The following DPRX variants were observed in gnomAD, a reference collection of about 807,000 sequenced individuals.
DPRX encodes divergent paired-related homeobox.
Under a neutral mutation model 8.4 loss-of-function variants are expected in DPRX, and 11 were observed. The ratio of observed to expected loss-of-function variants is 1.31; its 90% CI spans 0.82 to 2.17. DPRX has a LOEUF of 2.17. Ranked by LOEUF, DPRX falls within the 30% of genes most tolerant of loss-of-function variation. The pLI, the probability that DPRX is intolerant of heterozygous loss-of-function variation, is 0.00. For synonymous variants in DPRX, 72 were observed against 87.0 expected (o/e 0.83, Z 0.96); for missense variants, 211 against 236.7 (o/e 0.89, Z 0.71).
upstream of DPRX, chr19:53,629,670 C>T (rs2091083987): frequency 6.6e-6 from 1 of 151,542 alleles, no homozygotes; most frequent in Admixed American, 6.6e-5. Context: ...AAAATTGTTG[C>T]TTGGTATGTC....
chr19:53,607,781 G>A, the DPRX span, among the ~76,000 whole-genome samples: 9 of 152,122 alleles, frequency 5.9e-5, no homozygotes, highest in African/African-American at 1.9e-4. Context: ...AACCCGGGAG[G>A]CAGAGGTTGC....
At chr19:53,603,627 G>C in the DPRX span, 5 of 259,550 alleles carry the variant, frequency 1.9e-5, no homozygotes, top group African/African-American at 8.8e-5. Flanking sequence ...ACCCACGGTA[G>C]CTCCCACGTA....
At chr19:53,619,283 G>A in the DPRX span, among the ~76,000 whole-genome samples, 1 of 151,878 alleles carries the variant, frequency 6.6e-6, no homozygotes, top group Non-Finnish European at 1.5e-5. Context: ...GCTCATGCCT[G>A]TAATCCCAGC....
the DPRX span, among the ~76,000 whole-genome samples, chr19:53,612,335 A>G: frequency 6.6e-6 from 1 of 152,078 alleles, no homozygotes; most frequent in African/African-American, 2.4e-5. Context: ...GTGAGCTATG[A>G]TCCTACCACT....
chr19:53,623,314 T>TAAAA, the DPRX span, among the ~76,000 whole-genome samples: 6 of 105,598 alleles, frequency 5.7e-5, no homozygotes, highest in Non-Finnish European at 1.0e-4. Flanking sequence ...CTCAAAAAAA[T>TAAAA]AAATAAATAA....
the DPRX span, chr19:53,603,432 G>A: frequency 1.5e-5 from 7 of 456,286 alleles, no homozygotes; most frequent in Admixed American, 9.4e-5. Flanking sequence ...CAGACTCGCC[G>A]GAGTGCTGGA....
At chr19:53,629,985 T>G (rs1440164826), upstream of DPRX, 1 of 151,624 alleles carries the variant, frequency 6.6e-6, no homozygotes, top group Non-Finnish European at 1.5e-5. Flanking sequence ...GGCAGATGGA[T>G]CACCTGAGGT....
chr19:53,601,541 G>A, the DPRX span, among the ~76,000 whole-genome samples: 1 of 150,622 alleles, frequency 6.6e-6, no homozygotes, highest in Non-Finnish European at 1.5e-5. Flanking sequence ...GAGTGCAGTG[G>A]CGCGATCTCA....
Position 53,636,785 on chromosome 19 carries a change from C to T in DPRX, c.373C>T (p.Arg125Ter), listed in dbSNP as rs150237904. 1.5e-5 allele frequency: 24 copies of T among 1,614,030 alleles called. No individual in the cohort carries two copies. Among genetic ancestry groups the T allele is most frequent in the Admixed American group, 6.7e-5 (4 of 59,962 alleles). ...GATCGGCCTGGTGTACACGGGTCAT[C>T]GAGTCCCCTCATTCCAGCTCATCCT... Residue 125 changes from arginine (R) to a stop codon, truncating the protein, a stop_gained, in exon 3 of 3, where the codon CGA (arginine) becomes TGA (stop). Coordinates refer to ENST00000376650, the Ensembl canonical transcript of DPRX. LOFTEE classifies it low-confidence loss of function (END_TRUNC).
At chr19:53,611,032 G>A in the DPRX span, among the ~76,000 whole-genome samples, 1 of 151,860 alleles carries the variant, frequency 6.6e-6, no homozygotes, top group African/African-American at 2.4e-5. Context: ...CCTCCAAGTA[G>A]CTGGGATTAC....
the DPRX span, among the ~76,000 whole-genome samples, chr19:53,603,851 AT>A: frequency 6.6e-6 from 1 of 150,872 alleles, no homozygotes; most frequent in Non-Finnish European, 1.5e-5. Flanking sequence ...GGTTCAAGCA[AT>A]CTCCTGCCTC....
At chr19:53,620,970 G>T in the DPRX span, among the ~76,000 whole-genome samples, 1 of 152,112 alleles carries the variant, frequency 6.6e-6, no homozygotes, top group African/African-American at 2.4e-5. Context: ...TGTATGGCAC[G>T]TGCATGAGGT....
the DPRX span, among the ~76,000 whole-genome samples, chr19:53,612,220 C>CA: frequency 6.6e-6 from 1 of 151,592 alleles, no homozygotes; most frequent in African/African-American, 2.4e-5. Flanking sequence ...CCCATCTCTA[C>CA]AAAAAATTTA....
the DPRX span, among the ~76,000 whole-genome samples, chr19:53,612,505 G>A: frequency 6.6e-6 from 1 of 152,074 alleles, no homozygotes; most frequent in African/African-American, 2.4e-5. Flanking sequence ...TCAGGCGTTC[G>A]AGACCAGCCT....
the DPRX span, chr19:53,617,081 C>T: frequency 7.7e-7 from 1 of 1,297,208 alleles, no homozygotes. Context: ...ATCCAGCTTC[C>T]TGTTTACAAT....
upstream of DPRX, among the ~76,000 whole-genome samples, chr19:53,630,376 AT>A (rs2091088041): frequency 6.6e-6 from 1 of 152,022 alleles, no homozygotes; most frequent in Non-Finnish European, 1.5e-5. Flanking sequence ...CCTAGCCAAA[AT>A]CCCTTCTCTA....
chr19:53,632,189 G>A, intron 1 of DPRX, 55 bp downstream of exon 1: 2 of 1,613,386 alleles, frequency 1.2e-6, no homozygotes, highest in Non-Finnish European at 8.5e-7. Flanking sequence ...GTGGAAAGCA[G>A]CTGGCGGCGG....
chr19:53,623,681 C>T, the DPRX span, among the ~76,000 whole-genome samples: 6 of 151,640 alleles, frequency 4.0e-5, no homozygotes, highest in Non-Finnish European at 7.4e-5. Flanking sequence ...CAATGGCTCA[C>T]GCCTGTAATC....
the DPRX span, among the ~76,000 whole-genome samples, chr19:53,626,300 C>T: frequency 6.6e-6 from 1 of 151,584 alleles, no homozygotes; most frequent in Admixed American, 6.6e-5. Flanking sequence ...GCTGGTCTCA[C>T]ACTCCTCACC....
Sources: gnomAD v4.1 joint callset for allele counts (sites outside exome capture counted in the v4.1 genomes callset) on GRCh38, gnomAD v4.1.1 for gene constraint, MANE v1.5 for transcripts, NCBI Gene and HGNC (gene_info 2026-07-23, HGNC 2026-07-21) for gene names.